Variants in ROBO2 observed in about 807,000 individuals in gnomAD.
ROBO2 encodes the protein roundabout homolog 2.
In ROBO2, 53 loss-of-function variants were observed where a neutral mutation model predicts 160.8. That is an observed-to-expected ratio of 0.33 (90% CI 0.26 to 0.41). The LOEUF is 0.41. Among genes scored for constraint, ROBO2 ranks in the 10% least tolerant of loss-of-function variants. The pLI is 1.00. For missense variants in ROBO2, 1,577 were observed against 1,722.4 expected, an observed-to-expected ratio of 0.92 and a Z score of 1.49; for synonymous variants, 664 against 611.7, an observed-to-expected ratio of 1.09 and a Z score of -1.26.
At chr3:75,984,023 A>G (rs61312087) in intron 2 of ROBO2, among the ~76,000 whole-genome samples, 1,837 of 151,490 alleles carry the variant, frequency 0.012, 26 homozygotes, top group African/African-American at 0.041. Flanking sequence ...TCTAGTAGGG[A>G]GATACCTAAA....
At chr3:76,990,654 T>C (rs1328278680) in intron 2 of ROBO2, among the ~76,000 whole-genome samples, 1 of 152,096 alleles carries the variant, frequency 6.6e-6, no homozygotes, top group African/African-American at 2.4e-5. Context: ...ACTATCTCTC[T>C]AAAATAGTAA....
At chr3:76,511,486 C>T (rs2081086225) in intron 2 of ROBO2, among the ~76,000 whole-genome samples, 1 of 152,144 alleles carries the variant, frequency 6.6e-6, no homozygotes, top group Admixed American at 6.5e-5. Context: ...ATATATTTTT[C>T]CCAAAATGTG....
At chr3:76,584,387 G>A (rs138954140) in intron 2 of ROBO2, among the ~76,000 whole-genome samples, 1 of 152,122 alleles carries the variant, frequency 6.6e-6, no homozygotes, top group African/African-American at 2.4e-5. Context: ...TGACCTCATT[G>A]GTAGACAGGA....
chr3:76,108,841 G>A (rs1576893433), intron 2 of ROBO2, among the ~76,000 whole-genome samples: 2 of 151,124 alleles, frequency 1.3e-5, no homozygotes, highest in East Asian at 3.9e-4. Flanking sequence ...GAAGTCTAAT[G>A]AGGTTACATA....
intron 2 of ROBO2, among the ~76,000 whole-genome samples, chr3:76,102,759 C>T (rs1371545651): frequency 6.6e-6 from 1 of 151,146 alleles, no homozygotes; most frequent in Non-Finnish European, 1.5e-5. Flanking sequence ...AGAGTGTAGA[C>T]AAATCTCTAC....
At chr3:76,103,812 A>G (rs2069804888) in intron 2 of ROBO2, among the ~76,000 whole-genome samples, 1 of 152,172 alleles carries the variant, frequency 6.6e-6, no homozygotes, top group African/African-American at 2.4e-5. Flanking sequence ...CGGCTAGGTG[A>G]AGTCAATTTG....
intron 2 of ROBO2, among the ~76,000 whole-genome samples, chr3:76,548,273 T>C (rs1489920148): frequency 1.3e-5 from 2 of 152,168 alleles, no homozygotes; most frequent in African/African-American, 4.8e-5. Context: ...GCATTTTCCA[T>C]ATGCTGACAA....
At chr3:76,660,720 A>T (rs1414454521) in intron 2 of ROBO2, among the ~76,000 whole-genome samples, 1 of 152,140 alleles carries the variant, frequency 6.6e-6, no homozygotes, top group East Asian at 1.9e-4. Context: ...TTAGTTGTTG[A>T]TTCCCCCTGA....
chr3:77,440,263 C>T (rs1461871378), intron 2 of ROBO2, among the ~76,000 whole-genome samples: 3 of 152,102 alleles, frequency 2.0e-5, no homozygotes, highest in South Asian at 2.1e-4. Context: ...ATTGCTATCA[C>T]GTACTTATTG....
chr3:77,041,497 C>G (rs1166492128), intron 1 of ROBO2, among the ~76,000 whole-genome samples: 3 of 152,180 alleles, frequency 2.0e-5, no homozygotes, highest in Admixed American at 6.5e-5. Flanking sequence ...GGACCTTAAA[C>G]AGGTGCTGGA....
chr3:76,724,444 C>G (rs577738763), intron 2 of ROBO2, among the ~76,000 whole-genome samples: 1 of 152,302 alleles, frequency 6.6e-6, no homozygotes, highest in African/African-American at 2.4e-5. Context: ...TTGACAGTAC[C>G]ATATTTGTTA....
intron 2 of ROBO2, among the ~76,000 whole-genome samples, chr3:76,794,291 CT>C (rs1193504679): frequency 6.6e-6 from 1 of 151,818 alleles, no homozygotes; most frequent in Non-Finnish European, 1.5e-5. Flanking sequence ...ATAACTGATC[CT>C]AGCAAGCTAT....
At chr3:77,530,107 C>A (rs1251610021) in intron 6 of ROBO2, among the ~76,000 whole-genome samples, 1 of 151,786 alleles carries the variant, frequency 6.6e-6, no homozygotes, top group East Asian at 1.9e-4. Flanking sequence ...TTCAACTTTG[C>A]AGCTCTTAGC....
At chr3:76,408,079 A>G (rs1295455230) in intron 2 of ROBO2, among the ~76,000 whole-genome samples, 3 of 152,122 alleles carry the variant, frequency 2.0e-5, no homozygotes, top group Non-Finnish European at 4.4e-5. Flanking sequence ...AATGAATAAA[A>G]TAATAAGACA....
At chr3:76,370,180 G>T (rs962753155) in intron 2 of ROBO2, among the ~76,000 whole-genome samples, 8 of 151,308 alleles carry the variant, frequency 5.3e-5, no homozygotes, top group Non-Finnish European at 1.2e-4. Context: ...TTTTTTTTTG[G>T]TTCCAGACCA....
chr3:77,577,589 A>G (rs1377055652), exon 15 of ROBO2: 6 of 1,613,414 alleles, frequency 3.7e-6, no homozygotes, highest in Non-Finnish European at 5.1e-6. Flanking sequence ...CCAGATCACC[A>G]GAATGGAATT....
chr3:76,205,642 A>C (rs1702764486), intron 2 of ROBO2, among the ~76,000 whole-genome samples: 1 of 152,174 alleles, frequency 6.6e-6, no homozygotes, highest in Non-Finnish European at 1.5e-5. Context: ...AACTTAAGTC[A>C]GCTTTCCCCA....
intron 2 of ROBO2, among the ~76,000 whole-genome samples, chr3:76,804,967 A>C (rs1146005): frequency 0.32 from 49,300 of 151,972 alleles, 9,625 homozygotes; most frequent in Non-Finnish European, 0.43. Flanking sequence ...TTTCCATTAA[A>C]ATCAATGATG....
intron 2 of ROBO2, among the ~76,000 whole-genome samples, chr3:76,443,680 G>C (rs375904575): frequency 5.7e-4 from 86 of 152,166 alleles, no homozygotes; most frequent in Admixed American, 1.6e-3. Flanking sequence ...ATTTTTTTTA[G>C]AGGCCACCTG....
Sources: allele counts gnomAD v4.1 joint callset (sites outside exome capture counted in the v4.1 genomes callset), GRCh38; gene constraint gnomAD v4.1.1; transcripts MANE v1.5; gene names NCBI Gene and HGNC (gene_info 2026-07-23, HGNC 2026-07-21).